SLC25A16: variants seen among roughly 807,000 people sequenced by gnomAD.
SLC25A16 encodes solute carrier family 25 member 16, also known as mitochondrial coenzyme A transporter SLC25A16.
Under a neutral mutation model 41.5 loss-of-function variants are expected in SLC25A16, and 39 were observed. The ratio of observed to expected loss-of-function variants is 0.94; its 90% CI spans 0.73 to 1.23. The LOEUF (loss-of-function observed/expected upper bound fraction) is 1.23. Among genes scored for constraint, SLC25A16 ranks in the 50% most tolerant of loss-of-function variants. SLC25A16 has a pLI of 0.00. For synonymous variants in SLC25A16, 146 were observed against 147.8 expected, an observed-to-expected ratio of 0.99 and a Z score of 0.09; for missense variants, 421 against 426.9, an observed-to-expected ratio of 0.99 and a Z score of 0.12.
At chr10:68,490,166 A>G (rs7914186) in intron 6 of SLC25A16, among the ~76,000 whole-genome samples, 150,614 of 152,132 alleles carry the variant, frequency 0.99, 74,575 homozygotes, top group Middle Eastern at 1. Flanking sequence ...GGCAGCTGAC[A>G]TGGGAGGATA....
intron 2 of SLC25A16, among the ~76,000 whole-genome samples, chr10:68,514,688 A>G (rs2053129505): frequency 1.3e-5 from 2 of 152,102 alleles, no homozygotes. Context: ...ATGACAAGTT[A>G]TTGAAGTGTC....
chr10:68,484,848 TCTAAATTAC>T (rs1019168877), intron 8 of SLC25A16, among the ~76,000 whole-genome samples: 2 of 152,132 alleles, frequency 1.3e-5, no homozygotes, highest in Admixed American at 6.6e-5. Flanking sequence ...ATGGAATGGT[TCTAAATTAC>T]TATAAAGAAA....
rs190905031 is a variant in SLC25A16, at chr10:68,488,650, T to A, written c.611-21A>T. The stretch of plus-strand genomic sequence containing the variant: ...AACACCTGAAAAACAAAAAATAAAT[T>A]CACCATGATGCTTAACATAACATGA... On this transcript the variant is annotated intron_variant, in intron 6 of 8. Coordinates refer to ENST00000609923, the MANE Select transcript of SLC25A16 (RefSeq NM_152707.4). The A allele has an allele frequency of 5.6e-6, 9 of 1,593,134 alleles. No individual in the cohort carries two copies. In the African/African-American group the frequency reaches 1.2e-4, roughly 21 times the overall value.
intron 1 of SLC25A16, among the ~76,000 whole-genome samples, chr10:68,525,488 C>G (rs145401804): frequency 3.0e-4 from 45 of 152,224 alleles, no homozygotes; most frequent in Admixed American, 2.8e-3. Context: ...GGGTCTCTCT[C>G]TGTAGCTCAG....
intron 1 of SLC25A16, among the ~76,000 whole-genome samples, chr10:68,525,813 G>C (rs1430597077): frequency 6.6e-6 from 1 of 152,108 alleles, no homozygotes; most frequent in Non-Finnish European, 1.5e-5. Flanking sequence ...CCCCAACCCC[G>C]TGCTCTCTGA....
At chr10:68,526,512 G>A (rs557034418) in intron 1 of SLC25A16, among the ~76,000 whole-genome samples, 1 of 152,178 alleles carries the variant, frequency 6.6e-6, no homozygotes, top group East Asian at 1.9e-4. Flanking sequence ...TATGCTGAAC[G>A]CTGGTTCCCC....
chr10:68,490,775 T>C (rs1459943881), intron 6 of SLC25A16, among the ~76,000 whole-genome samples: 1 of 152,144 alleles, frequency 6.6e-6, no homozygotes, highest in Non-Finnish European at 1.5e-5. Flanking sequence ...TTAAAAATCA[T>C]TCTCAGAAGA....
intron 8 of SLC25A16, 126 bp from the exon 9 acceptor site, chr10:68,483,714 T>C (rs1471521628): frequency 4.3e-6 from 3 of 697,064 alleles, no homozygotes; most frequent in African/African-American, 1.8e-5. Flanking sequence ...GGAGTGTGGA[T>C]TGCAGTGGCA....
intron 1 of SLC25A16, among the ~76,000 whole-genome samples, chr10:68,523,677 G>A (rs1055839795): frequency 6.6e-6 from 1 of 152,118 alleles, no homozygotes; most frequent in African/African-American, 2.4e-5. Context: ...GTTTCGCCAT[G>A]TTGGCCGGGA....
At chr10:68,487,011 A>G (rs1022395159) in intron 8 of SLC25A16, 133 bp downstream of exon 8, 5 of 642,086 alleles carry the variant, frequency 7.8e-6, no homozygotes, top group Non-Finnish European at 8.1e-6. Flanking sequence ...GTAATCTTAT[A>G]AAGTTACCAA....
intron 4 of SLC25A16, among the ~76,000 whole-genome samples, chr10:68,494,473 GAGGGGAGGGGAGGGA>G (rs1288076656): frequency 1.4e-5 from 2 of 140,852 alleles, no homozygotes; most frequent in Non-Finnish European, 3.2e-5. Flanking sequence ...AAAAGAAAAG[GAGGGGAGGGGAGGGA>G]AGGGGAGGAG....
chr10:68,485,180 C>G (rs561754222), intron 8 of SLC25A16, among the ~76,000 whole-genome samples: 2 of 152,222 alleles, frequency 1.3e-5, no homozygotes, highest in East Asian at 3.9e-4. Flanking sequence ...ACCTCCGTCT[C>G]CTGGGCTCAA....
Position 68,481,934 on chromosome 10 carries a change from C to G in SLC25A16, c.*1498G>C, listed in dbSNP as rs917745612. The G allele has an allele frequency of 1.3e-5, 2 of 152,266 alleles. No individual in the cohort carries two copies. Among genetic ancestry groups the G allele is most frequent in the Non-Finnish European group, 1.5e-5 (1 of 68,112 alleles). 9.4% of individuals were successfully genotyped at this position (152,266 alleles called of 1,614,324 possible). ...ATGTCTTTAAAGTCACATCAAAGGG[C>G]CGGGCGCCGTGGCTCACGCCAGTAA... On this transcript the variant is annotated 3_prime_UTR_variant, in exon 9 of 9. Coordinates refer to ENST00000609923, the MANE Select transcript of SLC25A16 (RefSeq NM_152707.4).
chr10:68,512,638 C>CAAAAAAA (rs1163431016), intron 2 of SLC25A16, among the ~76,000 whole-genome samples: 10 of 17,128 alleles, frequency 5.8e-4, no homozygotes, highest in Non-Finnish European at 8.6e-4. Context: ...GACTCCGTCT[C>CAAAAAAA]AAAAAAAAAA....
At chr10:68,504,417 G>A (rs538748123) in intron 3 of SLC25A16, among the ~76,000 whole-genome samples, 41 of 150,872 alleles carry the variant, frequency 2.7e-4, no homozygotes, top group African/African-American at 9.5e-4. Flanking sequence ...ATGTTGTTCC[G>A]ATCTCTGCTG....
At chr10:68,514,631 T>A (rs2053128406) in intron 2 of SLC25A16, among the ~76,000 whole-genome samples, 1 of 152,222 alleles carries the variant, frequency 6.6e-6, no homozygotes, top group African/African-American at 2.4e-5. Flanking sequence ...CTTTTACGCA[T>A]ATTGCCAAAA....
intron 6 of SLC25A16, among the ~76,000 whole-genome samples, chr10:68,489,772 G>A (rs543365832): frequency 4.0e-5 from 6 of 151,748 alleles, no homozygotes; most frequent in African/African-American, 1.2e-4. Context: ...GTGGTGGTGC[G>A]CGCCTGTAGT....
chr10:68,501,790 G>A (rs765372527), intron 4 of SLC25A16, among the ~76,000 whole-genome samples: 2 of 152,016 alleles, frequency 1.3e-5, no homozygotes, highest in African/African-American at 2.4e-5. Context: ...TTACGTGAGC[G>A]AATAATGTTG....
chr10:68,521,560 T>C (rs2053249484), intron 1 of SLC25A16, among the ~76,000 whole-genome samples: 1 of 148,032 alleles, frequency 6.8e-6, no homozygotes, highest in Non-Finnish European at 1.5e-5. Context: ...CGAGGACTGG[T>C]GCAGTGGGTC....
Sources: allele counts gnomAD v4.1 joint callset (sites outside exome capture counted in the v4.1 genomes callset), GRCh38; gene constraint gnomAD v4.1.1; transcripts MANE v1.5; gene names NCBI Gene and HGNC (gene_info 2026-07-23, HGNC 2026-07-21).